The following DYM variants were observed in gnomAD, a reference collection of about 807,000 sequenced individuals.
DYM encodes dyggve-Melchior-Clausen syndrome protein.
Under a neutral mutation model 93.1 loss-of-function variants are expected in DYM, and 78 were observed. The observed-to-expected ratio is 0.84, with a 90% CI of 0.70 to 1.01. The LOEUF is 1.01. Ranked by LOEUF, DYM falls within the 50% of genes least tolerant of loss-of-function variation. The probability of loss-of-function intolerance (pLI) is 0.00; values close to 1 mark genes in which losing one functional copy is unlikely to be tolerated. For synonymous variants in DYM, 321 were observed against 319.7 expected (o/e 1.00, Z -0.04); for missense variants, 789 against 845.0 (o/e 0.93, Z 0.82).
At chr18:49,379,390 A>T (rs2067822982) in intron 4 of DYM, among the ~76,000 whole-genome samples, 2 of 152,040 alleles carry the variant, frequency 1.3e-5, no homozygotes. Context: ...GGGGGAGGGG[A>T]ATTACCTTCT....
At position 49,036,890 on chromosome 18, in the gene DYM, G is replaced by A. The variant is rs1464667490; in HGVS notation, c.*7165C>T. 1.3e-5 allele frequency among the ~76,000 whole-genome samples: 2 copies of A among 151,332 alleles called. No individual in the cohort carries two copies. On this transcript the variant is annotated 3_prime_UTR_variant, in exon 18 of 18. Transcript: ENST00000675505. ...TTCCTTCTTTGATCAGTCTTTTAAGGGGTTATGAATTCTTTTATTTATTTA... is the reference window on the plus strand; with the variant it reads ...TTCCTTCTTTGATCAGTCTTTTAAGAGGTTATGAATTCTTTTATTTATTTA...
intron 13 of DYM, among the ~76,000 whole-genome samples, chr18:49,229,957 T>C (rs540016888): frequency 2.0e-5 from 3 of 152,232 alleles, no homozygotes; most frequent in Admixed American, 1.3e-4. Context: ...CACAAGAACA[T>C]GGATAAATCT....
At chr18:49,075,014 T>TG (rs1453216349) in intron 17 of DYM, among the ~76,000 whole-genome samples, 4 of 152,032 alleles carry the variant, frequency 2.6e-5, no homozygotes, top group Non-Finnish European at 5.9e-5. Context: ...TGATAAGCAA[T>TG]GGGGGAGACA....
intron 1 of DYM, among the ~76,000 whole-genome samples, chr18:49,460,130 A>T (rs1019954587): frequency 6.6e-6 from 1 of 152,196 alleles, no homozygotes; most frequent in Non-Finnish European, 1.5e-5. Context: ...TTGTCAGACC[A>T]ACACCGCCCC....
At chr18:49,348,368 T>C (rs1300966490) in intron 6 of DYM, among the ~76,000 whole-genome samples, 4 of 152,144 alleles carry the variant, frequency 2.6e-5, no homozygotes, top group Non-Finnish European at 5.9e-5. Context: ...AACAAAAGTA[T>C]GTTAGTATAA....
rs535027500 is a variant in DYM at position 49,070,488 on chromosome 18, A to G, written c.2026-26284T>C. ...TGCATTCTGTCCACGGCCATTCTTC[A>G]TTTCACACTCAAGGAAACCACTGCA... On this transcript the variant is annotated intron_variant, in intron 17 of 17. Coordinates refer to ENST00000675505, the MANE Select transcript of DYM (RefSeq NM_001353214.3). Among the ~76,000 whole-genome samples the G allele has an allele frequency of 9.2e-5, 14 of 152,254 alleles. No homozygotes were observed. The South Asian group carries it at 2.9e-3, about 32-fold the overall frequency.
intron 17 of DYM, among the ~76,000 whole-genome samples, chr18:49,095,255 A>G (rs2079439576): frequency 6.6e-6 from 1 of 152,136 alleles, no homozygotes; most frequent in Admixed American, 6.5e-5. Flanking sequence ...GACTCATTTT[A>G]TTATAAACAC....
At chr18:49,045,878 G>A (rs1333479596) in intron 17 of DYM, among the ~76,000 whole-genome samples, 1 of 152,126 alleles carries the variant, frequency 6.6e-6, no homozygotes, top group Non-Finnish European at 1.5e-5. Flanking sequence ...AGCCTCTGAA[G>A]GGCCTGAAGG....
chr18:49,456,073 A>C (rs1037907217), intron 1 of DYM, among the ~76,000 whole-genome samples: 8 of 152,320 alleles, frequency 5.3e-5, no homozygotes, highest in South Asian at 4.1e-4. Flanking sequence ...TAAGTCTCTA[A>C]GAGTGGACAG....
chr18:49,095,458 T>TG (rs1041297076), intron 17 of DYM, among the ~76,000 whole-genome samples: 2 of 151,536 alleles, frequency 1.3e-5, no homozygotes, highest in East Asian at 3.9e-4. Context: ...TTTTTTTTTT[T>TG]TTGTTTTGTT....
rs374708344 is a variant in DYM at position 49,337,827 on chromosome 18, T to C, written c.495-3974A>G. Among the ~76,000 whole-genome samples the C allele has an allele frequency of 1.6e-4, 24 of 152,212 alleles. No individual in the cohort carries two copies. In the East Asian group the frequency reaches 1.9e-3, roughly 12 times the overall value. ...GAAGGGAAATTCTTCACAAAGATGA[T>C]GATATTTGAGCAGACGAAGAACAAG... On this transcript the variant is annotated intron_variant, in intron 6 of 17. Transcript: ENST00000675505.
At chr18:49,459,089 T>A (rs1461357264) in intron 1 of DYM, among the ~76,000 whole-genome samples, 1 of 152,196 alleles carries the variant, frequency 6.6e-6, no homozygotes, top group Non-Finnish European at 1.5e-5. Flanking sequence ...ACATAAAAAC[T>A]CCTTGACCTA....
At chr18:49,423,488 G>C (rs1161702557) in intron 2 of DYM, among the ~76,000 whole-genome samples, 1 of 152,188 alleles carries the variant, frequency 6.6e-6, no homozygotes, top group Non-Finnish European at 1.5e-5. Flanking sequence ...AAAAGAACTA[G>C]AGAAGCAAGA....
At chr18:49,167,124 C>T (rs1267679783) in intron 14 of DYM, among the ~76,000 whole-genome samples, 2 of 151,808 alleles carry the variant, frequency 1.3e-5, no homozygotes, top group Admixed American at 1.3e-4. Flanking sequence ...AATTATTAAA[C>T]AGTCCTAGGG....
intron 2 of DYM, among the ~76,000 whole-genome samples, chr18:49,413,952 T>C (rs942363526): frequency 2.0e-5 from 3 of 151,748 alleles, no homozygotes; most frequent in African/African-American, 7.3e-5. Flanking sequence ...GGAGGTTACA[T>C]TGAGCCAAAA....
intron 13 of DYM, among the ~76,000 whole-genome samples, chr18:49,238,101 G>C (rs972100848): frequency 6.6e-6 from 1 of 152,082 alleles, no homozygotes; most frequent in African/African-American, 2.4e-5. Flanking sequence ...AATTTGGATG[G>C]ATATTACCAC....
At chr18:49,138,233 CCTT>C (rs1379692288) in intron 15 of DYM, among the ~76,000 whole-genome samples, 1 of 152,102 alleles carries the variant, frequency 6.6e-6, no homozygotes, top group Non-Finnish European at 1.5e-5. Context: ...ATGATTATAA[CCTT>C]CTAAATGGCT....
At position 49,419,968 on chromosome 18, in the gene DYM, G is replaced by A. The variant is rs376401776; in HGVS notation, c.140+10287C>T. Among the ~76,000 whole-genome samples the A allele has an allele frequency of 2.7e-3, 410 of 152,270 alleles. 24 individuals are homozygous for A. In the South Asian group the frequency reaches 0.076, roughly 28 times the overall value. On this transcript the variant is annotated intron_variant, in intron 2 of 17. Transcript: ENST00000675505. ...ACTATCACATGAGCAGCAGTACTCA[G>A]TGATAATTCTGCAAGGATTAAGGAA...
chr18:49,342,030 C>T (rs765926308), intron 6 of DYM, among the ~76,000 whole-genome samples: 12 of 152,162 alleles, frequency 7.9e-5, no homozygotes, highest in Non-Finnish European at 1.3e-4. Context: ...ACAGGTCTCA[C>T]GAGCCTAAAA....
Sources: gnomAD v4.1 joint callset for allele counts (sites outside exome capture counted in the v4.1 genomes callset) on GRCh38, gnomAD v4.1.1 for gene constraint, MANE v1.5 for transcripts, NCBI Gene and HGNC (gene_info 2026-07-23, HGNC 2026-07-21) for gene names.